The following SLC2A13 variants were observed in gnomAD, a reference collection of about 807,000 sequenced individuals.
SLC2A13 encodes the protein solute carrier family 2 member 13.
A neutral mutation model predicts 64.4 loss-of-function variants in SLC2A13; 32 were observed. The observed-to-expected ratio is 0.50, with a 90% CI of 0.37 to 0.67. The LOEUF (loss-of-function observed/expected upper bound fraction) is 0.67, where lower values mean the gene tolerates loss of function less well. Among genes scored for constraint, SLC2A13 ranks in the 30% least tolerant of loss-of-function variants. The pLI is 0.00. For missense variants in SLC2A13, 743 were observed against 829.2 expected, an observed-to-expected ratio of 0.90 and a Z score of 1.28; for synonymous variants, 338 against 327.1, an observed-to-expected ratio of 1.03 and a Z score of -0.36.
At position 40,105,604 on chromosome 12, in the gene SLC2A13, G is replaced by C. The variant is rs1361117253; in HGVS notation, c.205C>G (p.Arg69Gly). 4.6e-6 allele frequency: 7 copies of C among 1,521,966 alleles called. No individual in the cohort carries two copies. Among genetic ancestry groups the C allele is most frequent in the Non-Finnish European group, 6.2e-6 (7 of 1,137,208 alleles). 94.3% of individuals were successfully genotyped at this position (1,521,966 alleles called of 1,614,324 possible). Residue 69 changes from arginine to glycine, a missense_variant, in exon 1 of 10, where the codon CGG (arginine) becomes GGG (glycine). Transcript: ENST00000280871. The surrounding 1 kb of genome is among the most constrained non-coding windows in gnomAD (Gnocchi z 4.2). Reference sequence around the variant, plus strand: ...GTCTCGTCCTGCTGGAACTGCCGCCGCGCCGCGCGCTCCAGGTCCCCGACG... The same window carrying C: ...GTCTCGTCCTGCTGGAACTGCCGCCCCGCCGCGCGCTCCAGGTCCCCGACG... The part of the protein sequence containing the change: ...GGVGDLERAA[R>G]RQFQQDETPA...
At chr12:39,822,445 A>G (rs555214298) in intron 7 of SLC2A13, among the ~76,000 whole-genome samples, 1 of 152,296 alleles carries the variant, frequency 6.6e-6, no homozygotes, top group African/African-American at 2.4e-5. Context: ...CATCTGATCT[A>G]AACTCATATT....
At chr12:40,014,204 C>T (rs1204205091) in intron 3 of SLC2A13, among the ~76,000 whole-genome samples, 1 of 152,000 alleles carries the variant, frequency 6.6e-6, no homozygotes, top group African/African-American at 2.4e-5. Flanking sequence ...TATTTCTGGC[C>T]CAGAGGTAAA....
intron 9 of SLC2A13, among the ~76,000 whole-genome samples, chr12:39,762,288 C>T (rs1236209458): frequency 6.6e-6 from 1 of 152,030 alleles, no homozygotes; most frequent in Non-Finnish European, 1.5e-5. Context: ...ATGTCTGTAA[C>T]GAGTCCATCA....
chr12:39,952,681 T>C (rs1946251040), intron 3 of SLC2A13, among the ~76,000 whole-genome samples: 1 of 152,200 alleles, frequency 6.6e-6, no homozygotes, highest in South Asian at 2.1e-4. Flanking sequence ...TTGATGGTCA[T>C]TCAAAGCTAA....
intron 1 of SLC2A13, among the ~76,000 whole-genome samples, chr12:40,079,038 AAC>A (rs145591903): frequency 2.6e-3 from 394 of 152,216 alleles, no homozygotes; most frequent in African/African-American, 9.2e-3. Flanking sequence ...TGGTCTAGCT[AAC>A]AGTCTCTCAA....
chr12:40,028,446 A>T lies in SLC2A13; in HGVS notation c.780T>A (p.Pro260=). 6.2e-7 allele frequency: 1 copy of T among 1,614,064 alleles called. No individual in the cohort carries two copies. Among genetic ancestry groups the T allele is most frequent in the Non-Finnish European group, 8.5e-7 (1 of 1,179,964 alleles). ...TCTGAATAAGCCATCGAGGGCTTTCAGGCAAAAAGAGAAAGCCAAAAAACT... is the reference window on the plus strand; with the variant it reads ...TCTGAATAAGCCATCGAGGGCTTTCTGGCAAAAAGAGAAAGCCAAAAAACT... ...VIQFFGFLFL[P]ESPRWLIQKG... Residue 260 remains proline (P), a synonymous_variant, in exon 3 of 10, where the codon CCT becomes CCA. Transcript: ENST00000280871.
At chr12:39,853,680 C>T (rs1943529163) in intron 6 of SLC2A13, among the ~76,000 whole-genome samples, 1 of 150,648 alleles carries the variant, frequency 6.6e-6, no homozygotes, top group Non-Finnish European at 1.5e-5. Flanking sequence ...CCTGGTGTTT[C>T]ATCAAGCTAT....
At chr12:39,830,299 T>C (rs2135848763) in intron 6 of SLC2A13, 71 bp from the exon 7 acceptor site, 1 of 1,553,060 alleles carries the variant, frequency 6.4e-7, no homozygotes, top group South Asian at 1.2e-5. Context: ...GGATTCCATG[T>C]GCTTCTCTGC....
chr12:39,963,793 C>T (rs893802489), intron 3 of SLC2A13, among the ~76,000 whole-genome samples: 4 of 152,164 alleles, frequency 2.6e-5, no homozygotes, highest in Non-Finnish European at 5.9e-5. Context: ...TCTATTAGCA[C>T]ATTCCCTTTT....
chr12:39,865,150 T>C (rs1943875013), intron 5 of SLC2A13, among the ~76,000 whole-genome samples: 2 of 152,220 alleles, frequency 1.3e-5, no homozygotes, highest in South Asian at 4.1e-4. Flanking sequence ...AAATTGGTAA[T>C]GATTTTTTAA....
At chr12:39,767,472 G>C (rs963938456) in intron 7 of SLC2A13, among the ~76,000 whole-genome samples, 1 of 151,990 alleles carries the variant, frequency 6.6e-6, no homozygotes, top group Non-Finnish European at 1.5e-5. Context: ...CGGCAAATGA[G>C]CATTGGCTTC....
chr12:39,915,662 T>G (rs1054596128), intron 4 of SLC2A13, among the ~76,000 whole-genome samples: 5 of 152,038 alleles, frequency 3.3e-5, no homozygotes, highest in African/African-American at 4.8e-5. Flanking sequence ...GATTTTTTTT[T>G]TTAGTTAACA....
At chr12:39,872,631 C>G (rs1251713494) in intron 4 of SLC2A13, among the ~76,000 whole-genome samples, 1 of 152,170 alleles carries the variant, frequency 6.6e-6, no homozygotes, top group Non-Finnish European at 1.5e-5. Context: ...TTTTAAAAGA[C>G]CATAATGCCA....
At chr12:40,097,035 AT>A (rs1938967793) in intron 1 of SLC2A13, among the ~76,000 whole-genome samples, 1 of 152,048 alleles carries the variant, frequency 6.6e-6, no homozygotes, top group South Asian at 2.1e-4. Context: ...AATTTCCCTA[AT>A]TTCTCTACAC....
intron 7 of SLC2A13, among the ~76,000 whole-genome samples, chr12:39,784,728 A>T (rs959268608): frequency 3.3e-5 from 5 of 152,228 alleles, no homozygotes; most frequent in Admixed American, 6.5e-5. Context: ...GACAAACGGG[A>T]TCTAATTAAA....
At chr12:39,812,835 CTTT>C (rs780822070) in intron 7 of SLC2A13, among the ~76,000 whole-genome samples, 4 of 127,938 alleles carry the variant, frequency 3.1e-5, no homozygotes, top group African/African-American at 2.9e-5. Flanking sequence ...GTAGTATTAC[CTTT>C]TTTTTTTTTT....
At chr12:40,102,322 A>G (rs561722845) in intron 1 of SLC2A13, among the ~76,000 whole-genome samples, 42 of 152,254 alleles carry the variant, frequency 2.8e-4, no homozygotes, top group Non-Finnish European at 4.7e-4. Flanking sequence ...AAACTATTAC[A>G]ACCAAAACCT....
At chr12:40,100,043 C>T (rs1178862222) in intron 1 of SLC2A13, among the ~76,000 whole-genome samples, 1 of 152,006 alleles carries the variant, frequency 6.6e-6, no homozygotes, top group Non-Finnish European at 1.5e-5. Context: ...TTTTTTTGAT[C>T]AAACAAGATT....
chr12:39,931,624 A>G (rs1592293677), intron 4 of SLC2A13, among the ~76,000 whole-genome samples: 1 of 152,242 alleles, frequency 6.6e-6, no homozygotes. Context: ...AGATATGGTA[A>G]GGCAAAAGAG....
Sources: allele counts gnomAD v4.1 joint callset (sites outside exome capture counted in the v4.1 genomes callset), GRCh38; gene constraint gnomAD v4.1.1; non-coding constraint Gnocchi (gnomAD v3.1); transcripts MANE v1.5; gene names NCBI Gene and HGNC (gene_info 2026-07-23, HGNC 2026-07-21).